PPIL6: variants seen among roughly 807,000 people sequenced by gnomAD.
The protein encoded by PPIL6 is peptidylprolyl isomerase like 6.
A neutral mutation model predicts 36.8 loss-of-function variants in PPIL6; 39 were observed. The observed-to-expected ratio is 1.06, with a 90% CI of 0.82 to 1.38. The LOEUF (loss-of-function observed/expected upper bound fraction) is 1.38. Ranked by LOEUF, PPIL6 falls within the 40% of genes most tolerant of loss-of-function variation. PPIL6 has a pLI of 0.00. For missense variants in PPIL6, 368 were observed against 379.1 expected (o/e 0.97, Z 0.24); for synonymous variants, 123 against 134.1 (o/e 0.92, Z 0.57).
intron 6 of PPIL6, among the ~76,000 whole-genome samples, chr6:109,412,282 G>A (rs886728592): frequency 6.6e-6 from 1 of 152,208 alleles, no homozygotes; most frequent in African/African-American, 2.4e-5. Flanking sequence ...TGCAGGAGCA[G>A]TCACAGAGCT....
At chr6:109,427,755 A>G (rs1773902184) in intron 3 of PPIL6, among the ~76,000 whole-genome samples, 2 of 152,202 alleles carry the variant, frequency 1.3e-5, no homozygotes, top group South Asian at 4.1e-4. Context: ...ATCTCACAGG[A>G]GTGAAACACA....
intron 7 of PPIL6, among the ~76,000 whole-genome samples, chr6:109,398,542 T>G (rs1184060252): frequency 6.6e-6 from 1 of 152,226 alleles, no homozygotes; most frequent in Non-Finnish European, 1.5e-5. Context: ...CTGCCTCATA[T>G]TCACTCAGTA....
intron 6 of PPIL6, among the ~76,000 whole-genome samples, chr6:109,409,551 C>T (rs1054617956): frequency 1.1e-4 from 17 of 150,622 alleles, no homozygotes; most frequent in Admixed American, 9.3e-4. Flanking sequence ...GCGACAGTGT[C>T]GTGAGACTCC....
At chr6:109,411,628 T>A (rs1471300432) in intron 6 of PPIL6, among the ~76,000 whole-genome samples, 2 of 152,218 alleles carry the variant, frequency 1.3e-5, no homozygotes, top group East Asian at 3.8e-4. Flanking sequence ...CTTGGATAGT[T>A]ATCTTCTTGT....
chr6:109,405,372 T>C (rs1320243045), intron 6 of PPIL6, among the ~76,000 whole-genome samples: 2 of 152,240 alleles, frequency 1.3e-5, no homozygotes, highest in African/African-American at 2.4e-5. Context: ...GTTATGCTTT[T>C]AAGCTTCTTT....
At chr6:109,412,154 G>A (rs772424078) in intron 6 of PPIL6, among the ~76,000 whole-genome samples, 3 of 152,204 alleles carry the variant, frequency 2.0e-5, no homozygotes, top group Non-Finnish European at 2.9e-5. Context: ...TGATCCAAAA[G>A]TTACTATCCC....
chr6:109,436,154 C>CTAAT lies in PPIL6; in HGVS notation c.177_180dup (p.Val61IlefsTer23), dbSNP rs1373764833. The CTAAT allele has an allele frequency of 8.2e-6, 13 of 1,586,574 alleles. No individual in the cohort carries two copies. Among genetic ancestry groups the CTAAT allele is most frequent in the Non-Finnish European group, 1.1e-5 (13 of 1,155,610 alleles). The stretch of plus-strand genomic sequence containing the variant: ...TGCCATGCAAATTCTTGAAGAGGAA[C>CTAAT]TAATATAGGATCTTCAAATTTGGAT... On this transcript the variant is annotated frameshift_variant, in exon 2 of 8. Transcript: ENST00000521072. LOFTEE classifies it high-confidence loss of function.
rs1187215085 is a variant in PPIL6, at chr6:109,440,621, A to G, written c.-31T>C. The G allele has an allele frequency of 1.6e-6, 2 of 1,228,814 alleles. No individual in the cohort carries two copies. Among genetic ancestry groups the G allele is most frequent in the East Asian group, 6.8e-5 (2 of 29,264 alleles). The allele number at this position is 1,228,814 out of a possible 1,614,324, so 76.1% of individuals were successfully genotyped here. A position where few individuals can be genotyped will look rare whatever the true frequency, so the allele number is the denominator to read the frequency against. ...CGCCCGGGGACGCCCGGTGACCCCA[A>G]ACACTGCGCGTCGCTCCGGCAACCG... On this transcript the variant is annotated 5_prime_UTR_variant, in exon 1 of 8. Coordinates refer to ENST00000521072, the MANE Select transcript of PPIL6 (RefSeq NM_173672.5).
intron 5 of PPIL6, among the ~76,000 whole-genome samples, chr6:109,423,097 T>C (rs1773635183): frequency 6.6e-6 from 1 of 152,180 alleles, no homozygotes; most frequent in Non-Finnish European, 1.5e-5. Context: ...CTGGGCACGG[T>C]GGCTCATGCC....
intron 3 of PPIL6, among the ~76,000 whole-genome samples, chr6:109,427,694 T>C (rs115798632): frequency 0.011 from 1,688 of 152,204 alleles, 37 homozygotes; most frequent in African/African-American, 0.039. Context: ...CAGCCCACAT[T>C]ATACATTTTA....
chr6:109,440,485 T>A lies in PPIL6; in HGVS notation c.106A>T (p.Asn36Tyr). 2.6e-6 allele frequency: 4 copies of A among 1,539,214 alleles called. No individual in the cohort carries two copies. Among genetic ancestry groups the A allele is most frequent in the South Asian group, 1.2e-5 (1 of 83,158 alleles). Reference sequence around the variant, plus strand: ...GCGGCGCTCTTCGCAATCTGAAAGTTGGGGCAGCTGAAGAGCCCCACCACC... The same window carrying A: ...GCGGCGCTCTTCGCAATCTGAAAGTAGGGGCAGCTGAAGAGCCCCACCACC... Reference protein sequence around the residue: ...VKVVGLFSCPNFQIAKSAAEN... With the variant: ...VKVVGLFSCPYFQIAKSAAEN... Residue 36 changes from asparagine to tyrosine, a missense_variant, in exon 1 of 8, where the codon AAC becomes TAC. Asn to Tyr is a moderately radical substitution (Grantham distance 143). Coordinates refer to ENST00000521072, the MANE Select transcript of PPIL6 (RefSeq NM_173672.5).
At chr6:109,395,859 G>A (rs1428777187) in intron 7 of PPIL6, among the ~76,000 whole-genome samples, 4 of 143,880 alleles carry the variant, frequency 2.8e-5, no homozygotes, top group Non-Finnish European at 4.5e-5. Context: ...TTCCTGAGAC[G>A]GAGTCTCACC....
In PPIL6 at chr6:109,392,721, C is replaced by CCGTAT; in HGVS notation, c.*104_*105insATACG. ...TAGATGAGGCAACCTACAGTGTCTG[C>CCGTAT]CACGGCTTTCAAATTACAATTTATC... On this transcript the variant is annotated 3_prime_UTR_variant, in exon 8 of 8. Transcript: ENST00000521072. 1.4e-6 allele frequency: 1 copy of CCGTAT among 690,862 alleles called. No individual in the cohort carries two copies. Among genetic ancestry groups the CCGTAT allele is most frequent in the Non-Finnish European group, 2.4e-6 (1 of 413,240 alleles). The allele number at this position is 690,862 out of a possible 1,614,324, so 42.8% of individuals were successfully genotyped here. A position where few individuals can be genotyped will look rare whatever the true frequency, so the allele number is the denominator to read the frequency against.
At chr6:109,402,660 A>T (rs1192881284) in intron 6 of PPIL6, among the ~76,000 whole-genome samples, 1 of 152,254 alleles carries the variant, frequency 6.6e-6, no homozygotes, top group African/African-American at 2.4e-5. Context: ...TTATATTTTT[A>T]AAAGGTGCAG....
intron 3 of PPIL6, among the ~76,000 whole-genome samples, chr6:109,427,603 T>C (rs1773892855): frequency 6.6e-6 from 1 of 152,096 alleles, no homozygotes; most frequent in Non-Finnish European, 1.5e-5. Flanking sequence ...CCCAGGGTGG[T>C]CTCGAACTCC....
At chr6:109,412,390 A>G (rs1231340429) in intron 6 of PPIL6, among the ~76,000 whole-genome samples, 1 of 152,284 alleles carries the variant, frequency 6.6e-6, no homozygotes, top group Non-Finnish European at 1.5e-5. Context: ...AGAAAAAACA[A>G]TCCTAAAATT....
chr6:109,433,989 C>G (rs1402512690), intron 2 of PPIL6, among the ~76,000 whole-genome samples: 1 of 152,176 alleles, frequency 6.6e-6, no homozygotes, highest in Non-Finnish European at 1.5e-5. Context: ...ACACCAATTT[C>G]CTAGAGTCCA....
intron 3 of PPIL6, 115 bp downstream of exon 3, chr6:109,431,042 A>G: frequency 1.3e-6 from 1 of 769,894 alleles, no homozygotes; most frequent in African/African-American, 1.7e-5. Flanking sequence ...TAGGCTTTAA[A>G]CTTAGTCTCC....
chr6:109,413,482 GA>G lies in PPIL6; in HGVS notation c.688+5704del, dbSNP rs1306122012. Among the ~76,000 whole-genome samples, 8 of 152,190 alleles carry G rather than the reference GA, an allele frequency of 5.3e-5. No individual in the cohort carries two copies. Among genetic ancestry groups the G allele is most frequent in the African/African-American group, 1.4e-4 (6 of 41,446 alleles). On this transcript the variant is annotated intron_variant, in intron 6 of 7. Coordinates refer to ENST00000521072, the MANE Select transcript of PPIL6 (RefSeq NM_173672.5). The surrounding 1 kb of genome is among the most constrained non-coding windows in gnomAD (Gnocchi z 4.6). Reference sequence around the variant, plus strand: ...TAACAAATGCTGGCAAGGATGTGGAGAAAAAGGGACCCTTGTACACTGTTGG... The same window carrying G: ...TAACAAATGCTGGCAAGGATGTGGAGAAAAGGGACCCTTGTACACTGTTGG...
Sources: allele counts gnomAD v4.1 joint callset (sites outside exome capture counted in the v4.1 genomes callset), GRCh38; gene constraint gnomAD v4.1.1; non-coding constraint Gnocchi (gnomAD v3.1); transcripts MANE v1.5; gene names NCBI Gene and HGNC (gene_info 2026-07-23, HGNC 2026-07-21).